The following DGKB variants were observed in gnomAD, a reference collection of about 807,000 sequenced individuals.
DGKB encodes the protein 90 kDa diacylglycerol kinase.
In DGKB, 67 loss-of-function variants were observed where a neutral mutation model predicts 114.3. The ratio of observed to expected loss-of-function variants is 0.59; its 90% CI spans 0.48 to 0.72. The LOEUF is 0.72. Ranked by LOEUF, DGKB falls within the 30% of genes least tolerant of loss-of-function variation. The probability of loss-of-function intolerance (pLI) is 0.00; values close to 1 mark genes in which losing one functional copy is unlikely to be tolerated. For synonymous variants in DGKB, 398 were observed against 323.1 expected, an observed-to-expected ratio of 1.23 and a Z score of -2.49; for missense variants, 907 against 975.2, an observed-to-expected ratio of 0.93 and a Z score of 0.93.
In DGKB at chr7:14,965,783, A is replaced by G. The variant is rs79830956; in HGVS notation, c.-188+8913T>C. On this transcript the variant is annotated intron_variant, in intron 1 of 4. Transcript: ENST00000437998. The stretch of plus-strand genomic sequence containing the variant: ...AAGAAGTCTCATTAGTTCAAAAATG[A>G]CATGTTTGGCCCCTCAATGCTCTCT... 8.0e-3 allele frequency among the ~76,000 whole-genome samples: 1,224 copies of G among 152,200 alleles called. 21 individuals carry two copies. Among genetic ancestry groups the G allele is most frequent in the African/African-American group, 0.027 (1,136 of 41,550 alleles).
intron 13 of DGKB, among the ~76,000 whole-genome samples, chr7:14,648,461 A>C (rs1813645830): frequency 6.6e-6 from 1 of 152,086 alleles, no homozygotes. Context: ...AAACTAACAA[A>C]CAGAAAGGAC....
Position 14,841,362 on chromosome 7 carries a change from A to G in DGKB, c.-99T>C, listed in dbSNP as rs968679861. The G allele has an allele frequency of 1.0e-6, 1 of 983,490 alleles. No homozygotes were observed. The highest frequency in any genetic ancestry group is 1.5e-6 in the Non-Finnish European group (1 of 659,032). The allele number at this position is 983,490 out of a possible 1,614,324, so 60.9% of individuals were successfully genotyped here. ...TCAAAGATTCCACATGGCATGTTTC[A>G]TGATAAAATACCTCAGGCTTTCAAA... On this transcript the variant is annotated 5_prime_UTR_variant, in exon 2 of 26. It removes an upstream start codon present in the reference 5' UTR. Transcript: ENST00000402815.
At chr7:14,257,186 T>A (rs942371240) in intron 23 of DGKB, among the ~76,000 whole-genome samples, 2 of 152,048 alleles carry the variant, frequency 1.3e-5, no homozygotes, top group Non-Finnish European at 2.9e-5. Flanking sequence ...AATAAAAAAA[T>A]TTATTCTGTT....
intron 7 of DGKB, 48 bp from the exon 8 acceptor site, chr7:14,698,217 G>T: frequency 8.4e-7 from 1 of 1,188,562 alleles, no homozygotes; most frequent in Non-Finnish European, 1.2e-6. Context: ...ATCTTAGTGA[G>T]TTTTAAATCT....
chr7:14,216,810 G>A (rs1046042887), intron 23 of DGKB, among the ~76,000 whole-genome samples: 2 of 151,556 alleles, frequency 1.3e-5, no homozygotes, highest in South Asian at 2.1e-4. Flanking sequence ...TGGGGAGGGA[G>A]GTGTGTGTGT....
intron 17 of DGKB, among the ~76,000 whole-genome samples, chr7:14,587,422 A>G (rs868018468): frequency 6.6e-6 from 1 of 152,034 alleles, no homozygotes; most frequent in Non-Finnish European, 1.5e-5. Context: ...AATGGAATCT[A>G]CTCCTAGTAA....
chr7:14,919,140 G>A (rs1392989479), intron 1 of DGKB, among the ~76,000 whole-genome samples: 2 of 137,690 alleles, frequency 1.5e-5, no homozygotes, highest in East Asian at 4.5e-4. Context: ...TATATGGAAA[G>A]ACAAAAAAGA....
At chr7:14,728,052 A>C (rs1830281249) in intron 5 of DGKB, among the ~76,000 whole-genome samples, 1 of 152,190 alleles carries the variant, frequency 6.6e-6, no homozygotes, top group Non-Finnish European at 1.5e-5. Context: ...GGCGTGACTC[A>C]AATGCACAGA....
intron 21 of DGKB, among the ~76,000 whole-genome samples, chr7:14,454,647 G>T (rs1005959516): frequency 1.3e-5 from 2 of 151,938 alleles, no homozygotes; most frequent in African/African-American, 2.4e-5. Context: ...AGCTTTCAAT[G>T]AACTTTCAAC....
intron 23 of DGKB, among the ~76,000 whole-genome samples, chr7:14,294,370 A>G (rs545826161): frequency 2.8e-4 from 43 of 152,280 alleles, no homozygotes; most frequent in Admixed American, 2.2e-3. Context: ...ATATTCTATC[A>G]CATTCTGAAG....
chr7:14,759,674 A>G (rs563296826), intron 2 of DGKB, among the ~76,000 whole-genome samples: 2 of 152,250 alleles, frequency 1.3e-5, no homozygotes, highest in African/African-American at 4.8e-5. Flanking sequence ...TGTACATTCA[A>G]CTTGTTTCCA....
chr7:14,257,920 G>A (rs1796182452), intron 23 of DGKB, among the ~76,000 whole-genome samples: 1 of 152,054 alleles, frequency 6.6e-6, no homozygotes, highest in Non-Finnish European at 1.5e-5. Flanking sequence ...CAGAGATGGG[G>A]TTTCACCATG....
chr7:14,657,044 T>G (rs867116917), intron 13 of DGKB, among the ~76,000 whole-genome samples: 2 of 151,748 alleles, frequency 1.3e-5, no homozygotes, highest in African/African-American at 2.4e-5. Context: ...AGGGTAAGAT[T>G]ATGAAATCAC....
At chr7:14,333,350 A>T (rs1340567151) in intron 23 of DGKB, among the ~76,000 whole-genome samples, 1 of 151,274 alleles carries the variant, frequency 6.6e-6, no homozygotes, top group Non-Finnish European at 1.5e-5. Flanking sequence ...AGTCCCAGCT[A>T]CTCTGGAGGC....
intron 5 of DGKB, among the ~76,000 whole-genome samples, chr7:14,725,269 G>T (rs1829848130): frequency 6.6e-6 from 1 of 152,066 alleles, no homozygotes; most frequent in South Asian, 2.1e-4. Context: ...AATTATTAAT[G>T]AATTTAAATT....
intron 2 of DGKB, among the ~76,000 whole-genome samples, chr7:14,835,715 C>T (rs750041100): frequency 6.6e-6 from 1 of 152,096 alleles, no homozygotes; most frequent in Non-Finnish European, 1.5e-5. Context: ...CTTTCAGGAC[C>T]GAGATATCGT....
At chr7:14,368,577 G>C (rs1433079720) in intron 21 of DGKB, among the ~76,000 whole-genome samples, 6 of 150,952 alleles carry the variant, frequency 4.0e-5, no homozygotes, top group African/African-American at 7.3e-5. Context: ...TTTTCTCTGT[G>C]TGTGTGTGTG....
chr7:14,852,576 G>C (rs953291919), intron 1 of DGKB, among the ~76,000 whole-genome samples: 6 of 146,160 alleles, frequency 4.1e-5, no homozygotes, highest in African/African-American at 1.5e-4. Flanking sequence ...TGTAGGACAT[G>C]TTTTGTTATT....
At chr7:14,254,540 A>G (rs918862377) in intron 23 of DGKB, among the ~76,000 whole-genome samples, 32 of 152,162 alleles carry the variant, frequency 2.1e-4, no homozygotes, top group Non-Finnish European at 4.0e-4. Flanking sequence ...CCTGAATCTT[A>G]CTCAGTTTAA....
Sources: gnomAD v4.1 joint callset for allele counts (sites outside exome capture counted in the v4.1 genomes callset) on GRCh38, gnomAD v4.1.1 for gene constraint, MANE v1.5 for transcripts, NCBI Gene and HGNC (gene_info 2026-07-23, HGNC 2026-07-21) for gene names.